Variants in DNAJC27 observed in about 807,000 individuals in gnomAD.
The protein encoded by DNAJC27 is DnaJ heat shock protein family (Hsp40) member C27.
A neutral mutation model predicts 31.4 loss-of-function variants in DNAJC27; 25 were observed. That is an observed-to-expected ratio of 0.80 (90% confidence interval 0.58 to 1.11). The LOEUF (loss-of-function observed/expected upper bound fraction) is 1.11, where lower values mean the gene tolerates loss of function less well. Ranked by LOEUF, DNAJC27 falls within the 50% of genes most tolerant of loss-of-function variation. The probability of loss-of-function intolerance (pLI) is 0.00; values close to 1 mark genes in which losing one functional copy is unlikely to be tolerated. For missense variants in DNAJC27, 356 were observed against 347.3 expected (o/e 1.02, Z -0.20); for synonymous variants, 106 against 112.7 (o/e 0.94, Z 0.37).
chr2:24,967,673 C>T (rs1666223043), intron 1 of DNAJC27, among the ~76,000 whole-genome samples: 1 of 150,810 alleles, frequency 6.6e-6, no homozygotes. Context: ...TGCACTCCAG[C>T]CTGGGTGGTA....
chr2:24,961,089 CTT>C (rs1313771690), intron 3 of DNAJC27, among the ~76,000 whole-genome samples: 3 of 152,188 alleles, frequency 2.0e-5, no homozygotes, highest in Admixed American at 1.3e-4. Flanking sequence ...GGCTGACTCT[CTT>C]GTTACGGGCT....
chr2:24,951,753 A>G (rs1480472792), intron 5 of DNAJC27, among the ~76,000 whole-genome samples, 199 bp from the exon 6 acceptor site: 2 of 152,130 alleles, frequency 1.3e-5, no homozygotes, highest in African/African-American at 2.4e-5. Flanking sequence ...CACAAAAAGT[A>G]TAAGGAATAA....
intron 5 of DNAJC27, among the ~76,000 whole-genome samples, chr2:24,955,356 A>G (rs1665880047): frequency 6.6e-6 from 1 of 152,176 alleles, no homozygotes; most frequent in African/African-American, 2.4e-5. Flanking sequence ...AGACTATGCA[A>G]TCTGAAAAAT....
At chr2:24,950,787 C>T (rs1665754034) in intron 6 of DNAJC27, among the ~76,000 whole-genome samples, 2 of 151,632 alleles carry the variant, frequency 1.3e-5, no homozygotes, top group African/African-American at 4.9e-5. Context: ...GCAGAGGTTT[C>T]AGTGAGCTGA....
At position 24,951,436 on chromosome 2, in the gene DNAJC27, T is replaced by A. The variant is rs2149121553; in HGVS notation, c.647A>T (p.Lys216Ile). 1.2e-6 allele frequency: 2 copies of A among 1,613,904 alleles called. No individual in the cohort carries two copies. Among genetic ancestry groups the A allele is most frequent in the South Asian group, 2.2e-5 (2 of 90,998 alleles). ...GACTCCCAGCATGTCCCAACTGTCTTTACTATTTCGAATTCTGCGAATGGC... is the reference window on the plus strand; with the variant it reads ...GACTCCCAGCATGTCCCAACTGTCTATACTATTTCGAATTCTGCGAATGGC... ...ADAIRRIRNS[K>I]DSWDMLGVKP... Residue 216 changes from lysine to isoleucine, a missense_variant, in exon 6 of 7, where the codon AAA (lysine) becomes ATA (isoleucine). Transcript: ENST00000264711.
chr2:24,968,252 C>T (rs376277165), intron 1 of DNAJC27, among the ~76,000 whole-genome samples: 3 of 152,238 alleles, frequency 2.0e-5, no homozygotes, highest in African/African-American at 7.2e-5. Context: ...CTGTGATATG[C>T]AAATATTCCC....
At chr2:24,959,271 C>T (rs1414733808) in intron 3 of DNAJC27, among the ~76,000 whole-genome samples, 1 of 152,174 alleles carries the variant, frequency 6.6e-6, no homozygotes, top group Non-Finnish European at 1.5e-5. Context: ...ATTGCTCCCA[C>T]TCCAGCTTAC....
In DNAJC27 at chr2:24,957,136, A is replaced by T; in HGVS notation, c.435T>A (p.Asp145Glu). 6.2e-7 allele frequency: 1 copy of T among 1,608,834 alleles called. No homozygotes were observed. Among genetic ancestry groups the T allele is most frequent in the Non-Finnish European group, 8.5e-7 (1 of 1,178,484 alleles). Residue 145 changes from aspartate to glutamate, a missense_variant, in exon 5 of 7, where the codon GAT becomes GAA. Coordinates refer to ENST00000264711, the MANE Select transcript of DNAJC27 (RefSeq NM_016544.3). ...CAGCCCAAAGACGTCCTTCACTTTC[A>T]TCTACACAGCGATGTTTGGTACAAT... Reference protein sequence around the residue: ...KIDCTKHRCVDESEGRLWAES... With the variant: ...KIDCTKHRCVEESEGRLWAES...
intron 3 of DNAJC27, among the ~76,000 whole-genome samples, chr2:24,959,659 A>G (rs1451934576): frequency 6.6e-6 from 1 of 152,184 alleles, no homozygotes; most frequent in East Asian, 1.9e-4. Context: ...AACTTGCCCA[A>G]GCCTTCCTAA....
At chr2:24,961,232 A>C (rs1666032526) in intron 3 of DNAJC27, among the ~76,000 whole-genome samples, 1 of 152,216 alleles carries the variant, frequency 6.6e-6, no homozygotes, top group Admixed American at 6.5e-5. Context: ...GGATGACAGC[A>C]GATCTGTTTA....
chr2:24,968,757 T>A (rs1398324625), intron 1 of DNAJC27, among the ~76,000 whole-genome samples: 1 of 152,190 alleles, frequency 6.6e-6, no homozygotes, highest in Non-Finnish European at 1.5e-5. Context: ...TTTTACTACA[T>A]TTGTGTAAAT....
chr2:24,970,421 G>A (rs1393608784), intron 1 of DNAJC27, among the ~76,000 whole-genome samples: 2 of 150,328 alleles, frequency 1.3e-5, no homozygotes, highest in East Asian at 1.9e-4. Flanking sequence ...GGCATTCTGA[G>A]CTGCTTCTAA....
intron 5 of DNAJC27, 131 bp downstream of exon 5, chr2:24,956,912 C>G: frequency 9.2e-7 from 1 of 1,091,654 alleles, no homozygotes; most frequent in Non-Finnish European, 1.3e-6. Context: ...TTCTATCTCA[C>G]TAGATTCTTT....
intron 6 of DNAJC27, among the ~76,000 whole-genome samples, chr2:24,951,036 G>A (rs1199589827): frequency 6.6e-6 from 1 of 152,134 alleles, no homozygotes; most frequent in Admixed American, 6.5e-5. Flanking sequence ...CCTATAAAAT[G>A]AAATGTTTGA....
At chr2:24,957,741 T>C (rs1027003582) in intron 4 of DNAJC27, 69 bp downstream of exon 4, 86 of 1,413,514 alleles carry the variant, frequency 6.1e-5, no homozygotes, top group Non-Finnish European at 7.5e-5. Context: ...TCTTTTCTTT[T>C]TGTTTCCCAA....
chr2:24,948,584 T>C (rs1467803313), intron 6 of DNAJC27, among the ~76,000 whole-genome samples: 4 of 152,130 alleles, frequency 2.6e-5, no homozygotes. Context: ...ATCAGTATTA[T>C]CCAGAGAGGA....
In DNAJC27 at chr2:24,963,435, A is replaced by T; in HGVS notation, c.210T>A (p.Phe70Leu). Residue 70 changes from phenylalanine to leucine, a missense_variant, in exon 3 of 7, where the codon TTT becomes TTA. By Grantham distance (22) the Phe-to-Leu change is conservative. Transcript: ENST00000264711. ...VRDREIKVNI[F>L]DMAGHPFFYE... ...AGAAGAAGGGATGTCCAGCCATATC[A>T]AAGATGTTAACTTTGATTTCTCTGT... is the stretch of plus-strand genomic sequence containing the variant. 7 of 1,613,960 alleles carry T rather than the reference A, an allele frequency of 4.3e-6. No homozygotes were observed. Among genetic ancestry groups the T allele is most frequent in the Non-Finnish European group, 5.9e-6 (7 of 1,179,882 alleles).
intron 3 of DNAJC27, among the ~76,000 whole-genome samples, chr2:24,960,663 G>C (rs1346958024): frequency 1.3e-5 from 2 of 152,218 alleles, no homozygotes; most frequent in African/African-American, 4.8e-5. Context: ...TGCTGATATG[G>C]AGAAAGCGTT....
intron 1 of DNAJC27, among the ~76,000 whole-genome samples, chr2:24,967,631 C>T (rs371701798): frequency 5.5e-4 from 83 of 150,304 alleles, no homozygotes; most frequent in African/African-American, 1.9e-3. Flanking sequence ...ACCCGGGAGG[C>T]GGAGGTTGCA....
Sources: allele counts gnomAD v4.1 joint callset (sites outside exome capture counted in the v4.1 genomes callset), GRCh38; gene constraint gnomAD v4.1.1; transcripts MANE v1.5; gene names NCBI Gene and HGNC (gene_info 2026-07-23, HGNC 2026-07-21).